The following CTIF variants were observed in gnomAD, a reference collection of about 807,000 sequenced individuals.
CTIF encodes the protein CBP80/20-dependent translation initiation factor.
A neutral mutation model predicts 66.0 loss-of-function variants in CTIF; 21 were observed. That is an observed-to-expected ratio of 0.32 (90% CI 0.23 to 0.46). CTIF has a LOEUF of 0.46. Ranked by LOEUF, CTIF falls within the 20% of genes least tolerant of loss-of-function variation. CTIF has a pLI of 1.00. For missense variants in CTIF, 739 were observed against 812.7 expected, an observed-to-expected ratio of 0.91 and a Z score of 1.10; for synonymous variants, 345 against 326.4, an observed-to-expected ratio of 1.06 and a Z score of -0.62.
Position 48,638,965 on chromosome 18 carries a change from C to A in CTIF, c.252+2280C>A, listed in dbSNP as rs531601152. On this transcript the variant is annotated intron_variant, in intron 3 of 11. Transcript: ENST00000256413. The stretch of plus-strand genomic sequence containing the variant: ...TTAGGGGCACTGGCATTCCCATCAC[C>A]CCTGACCTGCGGTGGCCGACTGATC... 3.4e-3 allele frequency among the ~76,000 whole-genome samples: 522 copies of A among 152,346 alleles called. 3 individuals are homozygous for A. The highest frequency in any genetic ancestry group is 0.011 in the African/African-American group (471 of 41,586).
chr18:48,609,986 G>A (rs1309800977), intron 1 of CTIF, among the ~76,000 whole-genome samples: 1 of 152,148 alleles, frequency 6.6e-6, no homozygotes, highest in Non-Finnish European at 1.5e-5. Flanking sequence ...GAAAGCCCGG[G>A]CCCATTGGCA....
chr18:48,549,226 C>T (rs1377574494), intron 1 of CTIF, among the ~76,000 whole-genome samples: 2 of 152,028 alleles, frequency 1.3e-5, no homozygotes, highest in African/African-American at 2.4e-5. Flanking sequence ...GCTTAGAGGA[C>T]GTAGGGGAAA....
intron 3 of CTIF, among the ~76,000 whole-genome samples, chr18:48,645,015 A>G (rs1206294678): frequency 6.6e-6 from 1 of 152,218 alleles, no homozygotes; most frequent in Non-Finnish European, 1.5e-5. Context: ...AAGGCCATCA[A>G]AATGTCTTGT....
chr18:48,631,431 A>C (rs940837924), intron 2 of CTIF, among the ~76,000 whole-genome samples: 18 of 152,250 alleles, frequency 1.2e-4, no homozygotes, highest in African/African-American at 4.1e-4. Context: ...GTGCCACTGC[A>C]CTCCAGCTTG....
At chr18:48,648,493 A>ACACG (rs1555662981) in intron 3 of CTIF, among the ~76,000 whole-genome samples, 1 of 151,540 alleles carries the variant, frequency 6.6e-6, no homozygotes, top group African/African-American at 2.4e-5. Context: ...ACACACGCAC[A>ACACG]CACACACACA....
intron 10 of CTIF, among the ~76,000 whole-genome samples, chr18:48,817,807 A>G (rs2068401335): frequency 6.6e-6 from 1 of 150,714 alleles, no homozygotes; most frequent in Non-Finnish European, 1.5e-5. Flanking sequence ...ATCCTTCAGC[A>G]AAGAGATGTG....
At chr18:48,670,835 C>T (rs1290719413) in intron 6 of CTIF, 91 bp downstream of exon 6, 1 of 1,120,424 alleles carries the variant, frequency 8.9e-7, no homozygotes, top group African/African-American at 1.5e-5. Flanking sequence ...AGCACTCCTT[C>T]TGGCTGCTTG....
intron 10 of CTIF, among the ~76,000 whole-genome samples, chr18:48,829,976 G>A (rs150883185): frequency 3.9e-5 from 6 of 152,136 alleles, no homozygotes; most frequent in East Asian, 1.9e-4. Flanking sequence ...TCTCATTGCC[G>A]CCAGCACTGA....
At chr18:48,780,556 C>T (rs949093451) in intron 9 of CTIF, among the ~76,000 whole-genome samples, 2 of 152,152 alleles carry the variant, frequency 1.3e-5, no homozygotes, top group South Asian at 4.1e-4. Flanking sequence ...ACCTCTGCCG[C>T]GTCGGTTCAT....
chr18:48,597,995 C>T (rs1040720132), intron 1 of CTIF, among the ~76,000 whole-genome samples: 2 of 152,148 alleles, frequency 1.3e-5, no homozygotes, highest in African/African-American at 2.4e-5. Context: ...CCTCTATCAC[C>T]CTCTATTCCA....
At chr18:48,838,390 C>T (rs1303308358) in intron 10 of CTIF, among the ~76,000 whole-genome samples, 2 of 152,170 alleles carry the variant, frequency 1.3e-5, no homozygotes, top group Non-Finnish European at 2.9e-5. Flanking sequence ...CCACGCCTCA[C>T]GTGAGCCTCT....
intron 1 of CTIF, among the ~76,000 whole-genome samples, chr18:48,584,014 G>A (rs569641816): frequency 7.9e-5 from 12 of 152,284 alleles, no homozygotes; most frequent in African/African-American, 2.9e-4. Flanking sequence ...GCACCTTTGT[G>A]AGAATCGGAA....
chr18:48,717,402 AAAATAAATAAATAAAT>A (rs145983579), intron 7 of CTIF, among the ~76,000 whole-genome samples: 139 of 144,930 alleles, frequency 9.6e-4, no homozygotes, highest in South Asian at 2.5e-3. Context: ...CTGTCTTTAA[AAAATAAATAAATAAAT>A]AAATAAATAA....
intron 3 of CTIF, among the ~76,000 whole-genome samples, chr18:48,638,675 G>A (rs1412683160): frequency 6.6e-6 from 1 of 152,246 alleles, no homozygotes; most frequent in East Asian, 1.9e-4. Flanking sequence ...GCAAGGAGCA[G>A]CTCACCCCAA....
chr18:48,753,467 G>A (rs946759286), intron 7 of CTIF, among the ~76,000 whole-genome samples: 9 of 152,054 alleles, frequency 5.9e-5, no homozygotes, highest in Admixed American at 2.6e-4. Context: ...GTGGTGTTCC[G>A]AGAACATTTT....
chr18:48,593,564 A>T (rs1191898635), intron 1 of CTIF, among the ~76,000 whole-genome samples: 3 of 151,630 alleles, frequency 2.0e-5, no homozygotes, highest in Non-Finnish European at 4.4e-5. Flanking sequence ...TTGTATTTTT[A>T]GTAGAGACGG....
chr18:48,578,008 C>A (rs972993851), intron 1 of CTIF, among the ~76,000 whole-genome samples: 1 of 152,226 alleles, frequency 6.6e-6, no homozygotes, highest in Non-Finnish European at 1.5e-5. Context: ...CCCTAGGCAA[C>A]CACTTATGTG....
rs960820856 is a variant in CTIF at position 48,685,024 on chromosome 18, G to C, written c.507+14280G>C. Among the ~76,000 whole-genome samples, 4 of 133,780 alleles carry C rather than the reference G, an allele frequency of 3.0e-5. No individual in the cohort carries two copies. The South Asian group carries it at 9.7e-4, about 32-fold the overall frequency. 87.8% of individuals were successfully genotyped at this position (133,780 alleles called of 152,430 possible). ...AGAAAAAGTTTTTGTTTTTTTGTTT[G>C]TTTGTATTTTTTTTTTTTTTTTGGT... On this transcript the variant is annotated intron_variant, in intron 6 of 11. Transcript: ENST00000256413.
intron 10 of CTIF, among the ~76,000 whole-genome samples, chr18:48,822,299 T>C (rs551739696): frequency 1.1e-4 from 17 of 152,316 alleles, no homozygotes; most frequent in African/African-American, 3.8e-4. Flanking sequence ...GGTCAGGGAA[T>C]TTAGGATATC....
Sources: gnomAD v4.1 joint callset for allele counts (sites outside exome capture counted in the v4.1 genomes callset) on GRCh38, gnomAD v4.1.1 for gene constraint, MANE v1.5 for transcripts, NCBI Gene and HGNC (gene_info 2026-07-23, HGNC 2026-07-21) for gene names.